Variants in MYO16 observed in about 807,000 individuals in gnomAD.
MYO16 encodes unconventional myosin-XVI.
MYO16 carries 94 observed loss-of-function variants against 205.3 expected under a neutral mutation model. The observed-to-expected ratio is 0.46, with a 90% CI of 0.39 to 0.54. The LOEUF (loss-of-function observed/expected upper bound fraction) is 0.54. Among genes scored for constraint, MYO16 ranks in the 20% least tolerant of loss-of-function variants. The pLI, the probability that MYO16 is intolerant of heterozygous loss-of-function variation, is 0.00. For synonymous variants in MYO16, 988 were observed against 954.0 expected (o/e 1.04, Z -0.66); for missense variants, 2,315 against 2,387.5 (o/e 0.97, Z 0.63).
At position 108,961,552 on chromosome 13, in the gene MYO16, T is replaced by C; in HGVS notation, c.2051T>C (p.Leu684Pro). 1 of 1,613,700 alleles carries C rather than the reference T, an allele frequency of 6.2e-7. No individual in the cohort carries two copies. Among genetic ancestry groups the C allele is most frequent in the South Asian group, 1.1e-5 (1 of 91,064 alleles). Residue 684 changes from leucine to proline, a missense_variant, in exon 18 of 35, where the codon CTG (leucine) becomes CCG (proline). Physicochemically the swap from Leu to Pro is moderately conservative, Grantham distance 98. Coordinates refer to ENST00000457511, the MANE Select transcript of MYO16 (RefSeq NM_001198950.3). ...VGFSSLEVEN[L>P]FVILAAILHL... ...TAAAATGCATAGGAGGTGGAGAATC[T>C]GTTCGTAATTCTAGCAGCAATATTG...
chr13:108,760,372 C>T (rs1885565781), intron 4 of MYO16, among the ~76,000 whole-genome samples: 1 of 119,914 alleles, frequency 8.3e-6, no homozygotes. Context: ...ATTGACAACA[C>T]CATCACATGC....
intron 3 of MYO16, among the ~76,000 whole-genome samples, chr13:108,718,050 A>G (rs1884017581): frequency 6.6e-6 from 1 of 152,166 alleles, no homozygotes; most frequent in African/African-American, 2.4e-5. Context: ...CTTCACCATC[A>G]GTTTCTCTAA....
chr13:108,637,694 G>T (rs1309256054), intron 1 of MYO16, among the ~76,000 whole-genome samples: 1 of 152,088 alleles, frequency 6.6e-6, no homozygotes, highest in East Asian at 1.9e-4. Context: ...GACCAACATG[G>T]CAAAACCCCA....
intron 20 of MYO16, among the ~76,000 whole-genome samples, chr13:108,972,243 C>A (rs1432889318): frequency 2.4e-3 from 27 of 11,472 alleles, no homozygotes; most frequent in Non-Finnish European, 3.3e-3. Context: ...CTCTCTCTCT[C>A]TCTCTCTATA....
At chr13:108,838,565 G>A (rs999330146) in intron 9 of MYO16, among the ~76,000 whole-genome samples, 15 of 150,696 alleles carry the variant, frequency 1.0e-4, no homozygotes, top group African/African-American at 3.4e-4. Context: ...CTATTCAGGA[G>A]GCTGAGGCAG....
Position 109,181,824 on chromosome 13 carries a change from TTA to T in MYO16, c.5415+2193_5415+2194del, listed in dbSNP as rs780441915. On this transcript the variant is annotated intron_variant, in intron 34 of 34. Coordinates refer to ENST00000457511, the MANE Select transcript of MYO16 (RefSeq NM_001198950.3). ...AATTTATTTATTTATTTATTTTATT[TTA>T]TTTTTTTTTTTGAGACAGAGTTTAA... Among the ~76,000 whole-genome samples the T allele has an allele frequency of 3.0e-4, 45 of 148,426 alleles. 1 individual carries two copies. The highest frequency in any genetic ancestry group is 1.0e-3 in the African/African-American group (40 of 40,090).
At chr13:108,812,979 T>C (rs1393387048) in intron 7 of MYO16, among the ~76,000 whole-genome samples, 1 of 152,164 alleles carries the variant, frequency 6.6e-6, no homozygotes, top group Non-Finnish European at 1.5e-5. Context: ...CTGTTCATTA[T>C]AAATTACCCA....
At chr13:108,902,071 C>A (rs1017450255) in intron 15 of MYO16, among the ~76,000 whole-genome samples, 4 of 152,158 alleles carry the variant, frequency 2.6e-5, no homozygotes, top group African/African-American at 9.7e-5. Flanking sequence ...AGAAATAGGA[C>A]AAATTTGTTC....
intron 1 of MYO16, among the ~76,000 whole-genome samples, chr13:108,633,130 T>C (rs563539465): frequency 2.6e-5 from 4 of 152,336 alleles, no homozygotes; most frequent in African/African-American, 9.6e-5. Flanking sequence ...AGAATTCATT[T>C]ACAACACCTA....
At chr13:108,609,300 C>T (rs1221165695) in intron 1 of MYO16, among the ~76,000 whole-genome samples, 1 of 152,134 alleles carries the variant, frequency 6.6e-6, no homozygotes, top group Non-Finnish European at 1.5e-5. Flanking sequence ...GAAATGGGTG[C>T]AAAGACAAAG....
chr13:108,817,080 T>C lies in MYO16; in HGVS notation c.868-3257T>C, dbSNP rs1431610161. Among the ~76,000 whole-genome samples the C allele has an allele frequency of 2.6e-5, 4 of 151,954 alleles. No homozygotes were observed. The South Asian group carries it at 6.2e-4, about 24-fold the overall frequency. On this transcript the variant is annotated intron_variant, in intron 7 of 34. Transcript: ENST00000457511. The stretch of plus-strand genomic sequence containing the variant: ...AAGTGTTGGAGAGCATGTGGCAAAA[T>C]TGCCAGTGAGGATAAAAAAAAAATA...
chr13:108,941,407 T>C (rs1179856298), intron 16 of MYO16, among the ~76,000 whole-genome samples: 1 of 151,966 alleles, frequency 6.6e-6, no homozygotes, highest in Non-Finnish European at 1.5e-5. Flanking sequence ...CCGACAAGAA[T>C]GAGCTATTAA....
chr13:109,101,875 G>C (rs760259805), intron 28 of MYO16: 14 of 152,136 alleles, frequency 9.2e-5, no homozygotes, highest in Non-Finnish European at 1.6e-4. Flanking sequence ...TCAAAGGATG[G>C]GGACTTGGCT....
the MYO16 span, among the ~76,000 whole-genome samples, chr13:108,584,224 T>C: frequency 6.6e-6 from 1 of 152,208 alleles, no homozygotes; most frequent in Non-Finnish European, 1.5e-5. Flanking sequence ...AAATGCTGGA[T>C]TACAGGCATG....
chr13:108,855,032 T>C (rs549249402), intron 10 of MYO16, among the ~76,000 whole-genome samples: 7 of 152,308 alleles, frequency 4.6e-5, no homozygotes, highest in Admixed American at 2.6e-4. Context: ...AATGGTAACA[T>C]GAAAAGTTTT....
chr13:108,615,016 C>A (rs535867652), intron 1 of MYO16, among the ~76,000 whole-genome samples: 1 of 152,062 alleles, frequency 6.6e-6, no homozygotes, highest in African/African-American at 2.4e-5. Context: ...GCAGTGAAAA[C>A]ACAACACATA....
In MYO16 at chr13:108,665,916, C is replaced by A. The variant is rs1314072693; in HGVS notation, c.59C>A (p.Ser20Tyr). The change falls in exon 2 of 35, where the codon TCC becomes TAC. Residue 20 changes from serine to tyrosine, a missense_variant. Physicochemically the swap from Ser to Tyr is moderately radical, Grantham distance 144 (BLOSUM62 -2). Coordinates refer to ENST00000457511, the MANE Select transcript of MYO16 (RefSeq NM_001198950.3). The stretch of plus-strand genomic sequence containing the variant: ...TTTCAGCTATGTAACGTTTTTCGAT[C>A]CCATGAGATGGAAATCGACCAGTGC... ...CCFQLCNVFR[S>Y]HEMEIDQCLL... 1 of 1,613,910 alleles carries A rather than the reference C, an allele frequency of 6.2e-7. No individual in the cohort carries two copies. Among genetic ancestry groups the A allele is most frequent in the Admixed American group, 1.7e-5 (1 of 59,968 alleles).
At chr13:109,066,976 C>T (rs891907367) in intron 27 of MYO16, among the ~76,000 whole-genome samples, 38 of 152,180 alleles carry the variant, frequency 2.5e-4, no homozygotes, top group African/African-American at 8.7e-4. Context: ...TCCCCCATAA[C>T]AGCATCCACT....
At position 109,081,038 on chromosome 13, in the gene MYO16, TAA is replaced by T. The variant is rs1474441784; in HGVS notation, c.3336-19746_3336-19745del. Among the ~76,000 whole-genome samples, 8 of 152,268 alleles carry T rather than the reference TAA, an allele frequency of 5.3e-5. No individual in the cohort carries two copies. In the South Asian group the frequency reaches 1.2e-3, roughly 24 times the overall value. On this transcript the variant is annotated intron_variant, in intron 27 of 34. Coordinates refer to ENST00000457511, the MANE Select transcript of MYO16 (RefSeq NM_001198950.3). ...AACGTATTGACAGACTTGAAAGTTA[TAA>T]GTCATATGTAAACACATATTTTATT... is the stretch of plus-strand genomic sequence containing the variant.
Sources: allele counts gnomAD v4.1 joint callset (sites outside exome capture counted in the v4.1 genomes callset), GRCh38; gene constraint gnomAD v4.1.1; transcripts MANE v1.5; gene names NCBI Gene and HGNC (gene_info 2026-07-23, HGNC 2026-07-21).